The following ZGRF1 variants were observed in gnomAD, a reference collection of about 807,000 sequenced individuals.
The protein encoded by ZGRF1 is 5'-3' DNA helicase ZGRF1.
ZGRF1 carries 196 observed loss-of-function variants against 203.5 expected under a neutral mutation model. The ratio of observed to expected loss-of-function variants is 0.96; its 90% confidence interval spans 0.86 to 1.08. The LOEUF (loss-of-function observed/expected upper bound fraction) is 1.08. Among genes scored for constraint, ZGRF1 ranks in the 50% least tolerant of loss-of-function variants. The pLI is 0.00. For missense variants in ZGRF1, 2,326 were observed against 2,416.3 expected (o/e 0.96, Z 0.78); for synonymous variants, 809 against 841.3 (o/e 0.96, Z 0.66).
At chr4:112,553,148 T>C (rs2148859564) in intron 22 of ZGRF1, among the ~76,000 whole-genome samples, 1 of 152,382 alleles carries the variant, frequency 6.6e-6, no homozygotes, top group Non-Finnish European at 1.5e-5. Flanking sequence ...GTTACCAATG[T>C]GCAAGTGGCC....
At chr4:112,632,999 G>T (rs1010745541) in intron 2 of ZGRF1, among the ~76,000 whole-genome samples, 157 bp downstream of exon 2, 1 of 152,192 alleles carries the variant, frequency 6.6e-6, no homozygotes, top group Non-Finnish European at 1.5e-5. Context: ...AAAAAGGTAT[G>T]CATTGTTTAT....
intron 16 of ZGRF1, among the ~76,000 whole-genome samples, chr4:112,568,859 C>T (rs1743697982): frequency 6.6e-6 from 1 of 151,248 alleles, no homozygotes; most frequent in African/African-American, 2.4e-5. Context: ...ACTAAAAATA[C>T]AAAAATTAGC....
At position 112,589,754 on chromosome 4, in the gene ZGRF1, G is replaced by A; in HGVS notation, c.3097C>T (p.Pro1033Ser). 6.2e-7 allele frequency: 1 copy of A among 1,613,860 alleles called. No individual in the cohort carries two copies. The highest frequency in any genetic ancestry group is 1.1e-5 in the South Asian group (1 of 91,066). Residue 1033 changes from proline to serine, a missense_variant, in exon 11 of 28, where the codon CCT (proline) becomes TCT (serine). Coordinates refer to ENST00000505019, the MANE Select transcript of ZGRF1 (RefSeq NM_018392.5). ...SETSLKARTL[P>S]DDLHFLNLEG... Reference sequence around the variant, plus strand: ...AAGTTGAGAAAATGAAGATCATCAGGTAAAGTTCTTGCTTTCAGGGACGTC... The same window carrying A: ...AAGTTGAGAAAATGAAGATCATCAGATAAAGTTCTTGCTTTCAGGGACGTC...
intron 16 of ZGRF1, among the ~76,000 whole-genome samples, chr4:112,568,973 G>T (rs1274090562): frequency 6.6e-6 from 1 of 151,846 alleles, no homozygotes; most frequent in East Asian, 1.9e-4. Flanking sequence ...CTGAGATCAC[G>T]CCACTGCACT....
chr4:112,617,636 T>G lies in ZGRF1; in HGVS notation c.2406A>C (p.Glu802Asp). 3 of 1,613,708 alleles carry G rather than the reference T, an allele frequency of 1.9e-6. No individual in the cohort carries two copies. Among genetic ancestry groups the G allele is most frequent in the Non-Finnish European group, 2.5e-6 (3 of 1,179,902 alleles). The change falls in exon 6 of 28, where the codon GAA (glutamate) becomes GAC (aspartate). Residue 802 changes from glutamate (E) to aspartate (D), a missense_variant. Transcript: ENST00000505019. ...AGTATTGTTTGCCTTCTCTGGCAGT[T>G]TCAACCTCAACATGGTCAGGGGGTG... ...RSPPPDHVEVETAREGKQYWN... is the reference protein window; with the variant it reads ...RSPPPDHVEVDTAREGKQYWN...
chr4:112,540,232 A>C (rs529768155), intron 26 of ZGRF1, 108 bp from the exon 27 acceptor site: 2 of 777,540 alleles, frequency 2.6e-6, no homozygotes, highest in South Asian at 4.7e-5. Context: ...AATAATTTTC[A>C]TTTTTCTTTT....
intron 2 of ZGRF1, among the ~76,000 whole-genome samples, chr4:112,632,758 A>G (rs969074729): frequency 1.3e-5 from 2 of 152,226 alleles, no homozygotes; most frequent in Non-Finnish European, 2.9e-5. Flanking sequence ...CCCGAGACCA[A>G]ATAGTGTGAG....
chr4:112,618,664 G>A lies in ZGRF1; in HGVS notation c.1378C>T (p.Gln460Ter). The A allele has an allele frequency of 6.2e-7, 1 of 1,612,972 alleles. No homozygotes were observed. The highest frequency in any genetic ancestry group is 8.5e-7 in the Non-Finnish European group (1 of 1,179,730). ...KGSVLIKENA[Q>*]EVNTCGTLEK... ...AGTGTTCCACATGTATTTACCTCCT[G>A]AGCATTTTCTTTAATGAGAACTGAT... is the stretch of plus-strand genomic sequence containing the variant. Residue 460 changes from glutamine to a stop codon, truncating the protein, a stop_gained, in exon 6 of 28, where the codon CAG (glutamine) becomes TAG (stop). Coordinates refer to ENST00000505019, the MANE Select transcript of ZGRF1 (RefSeq NM_018392.5). LOFTEE classifies it high-confidence loss of function.
intron 4 of ZGRF1, among the ~76,000 whole-genome samples, chr4:112,621,058 A>C (rs2047045416): frequency 6.6e-6 from 1 of 152,010 alleles, no homozygotes; most frequent in Non-Finnish European, 1.5e-5. Flanking sequence ...TTAGTAAATA[A>C]ATATTACATA....
chr4:112,586,492 A>C lies in ZGRF1; in HGVS notation c.3869T>G (p.Phe1290Cys). Residue 1290 changes from phenylalanine (F) to cysteine (C), a missense_variant, in exon 13 of 28, where the codon TTT becomes TGT. Transcript: ENST00000505019. ...PQRQIHIPAV[F>C]QSPAHYKQTF... ...CTGCTTATAATGAGCAGGAGACTGA[A>C]AAACAGCTGGTATGTGAATTTGCCT... is the stretch of plus-strand genomic sequence containing the variant. 6.2e-7 allele frequency: 1 copy of C among 1,613,248 alleles called. No individual in the cohort carries two copies. The highest frequency in any genetic ancestry group is 1.7e-5 in the Admixed American group (1 of 59,908).
At position 112,553,862 on chromosome 4, in the gene ZGRF1, C is replaced by T. The variant is rs1378533372; in HGVS notation, c.5319G>A (p.Leu1773=). 6.2e-6 allele frequency: 10 copies of T among 1,611,944 alleles called. No individual in the cohort carries two copies. The highest frequency in any genetic ancestry group is 8.5e-6 in the Non-Finnish European group (10 of 1,179,410). The part of the protein sequence containing the change: ...YVRKSIEQHK[L]GTNRTLLKQV... ...GCTTCAGCAGGGTTCTATTGGTCCC[C>T]AGTTTATGCTGCTCAATGCTTTTTC... The change falls in exon 22 of 28, where the codon CTG becomes CTA. Residue 1773 remains leucine, a synonymous_variant. Transcript: ENST00000505019.
intron 3 of ZGRF1, among the ~76,000 whole-genome samples, chr4:112,624,192 C>T (rs1399179446): frequency 6.8e-6 from 1 of 147,514 alleles, no homozygotes; most frequent in South Asian, 2.2e-4. Flanking sequence ...AATTCAAGAA[C>T]TTAATTCCTA....
At chr4:112,604,594 T>C (rs2149099917) in intron 9 of ZGRF1, among the ~76,000 whole-genome samples, 1 of 152,304 alleles carries the variant, frequency 6.6e-6, no homozygotes, top group Non-Finnish European at 1.5e-5. Context: ...GCATTTCTCT[T>C]TACTTAGGGG....
intron 24 of ZGRF1, among the ~76,000 whole-genome samples, chr4:112,542,274 A>G (rs953762797): frequency 3.3e-5 from 5 of 152,132 alleles, no homozygotes; most frequent in Admixed American, 1.3e-4. Context: ...CCCAGGAGGC[A>G]GAGGTTGCAG....
intron 16 of ZGRF1, among the ~76,000 whole-genome samples, chr4:112,570,983 A>G (rs994598698): frequency 1.3e-5 from 2 of 152,106 alleles, no homozygotes; most frequent in African/African-American, 2.4e-5. Flanking sequence ...AGGTGCCTGT[A>G]GTCCCAGCTA....
At chr4:112,566,440 T>A (rs996382627) in intron 16 of ZGRF1, among the ~76,000 whole-genome samples, 2 of 151,390 alleles carry the variant, frequency 1.3e-5, no homozygotes, top group Non-Finnish European at 2.9e-5. Context: ...TGTATACATA[T>A]GTAACTAACC....
intron 4 of ZGRF1, among the ~76,000 whole-genome samples, chr4:112,620,503 C>A (rs1377980594): frequency 6.6e-6 from 1 of 152,114 alleles, no homozygotes; most frequent in East Asian, 1.9e-4. Flanking sequence ...TGCTTGAGGC[C>A]AAGATTATGA....
rs2149154586 is a variant in ZGRF1 at position 112,617,727 on chromosome 4, T to C, written c.2315A>G (p.His772Arg). The C allele has an allele frequency of 1.9e-6, 3 of 1,614,158 alleles. No individual in the cohort carries two copies. The highest frequency in any genetic ancestry group is 2.5e-6 in the Non-Finnish European group (3 of 1,180,006). The change falls in exon 6 of 28, where the codon CAT becomes CGT. Residue 772 changes from histidine to arginine, a missense_variant. Transcript: ENST00000505019. ...TGCTTCTGTGTCTTTGGAAATAAGA[T>C]GCTTTTTTCCCAGTGGGTAAAACAA... ...NSLFYPLGKK[H>R]LISKDTEAHI...
intron 13 of ZGRF1, 67 bp from the exon 14 acceptor site, chr4:112,585,792 G>A: frequency 8.9e-7 from 1 of 1,127,718 alleles, no homozygotes; most frequent in South Asian, 2.0e-5. Flanking sequence ...TCACATATGT[G>A]CTGTTTGTAG....
Sources: gnomAD v4.1 joint callset for allele counts (sites outside exome capture counted in the v4.1 genomes callset) on GRCh38, gnomAD v4.1.1 for gene constraint, MANE v1.5 for transcripts, NCBI Gene and HGNC (gene_info 2026-07-23, HGNC 2026-07-21) for gene names.